EDIL3: variants seen among roughly 807,000 people sequenced by gnomAD.
The protein encoded by EDIL3 is EGF like and discoidin domains 3.
In EDIL3, 37 loss-of-function variants were observed where a neutral mutation model predicts 67.4. That is an observed-to-expected ratio of 0.55 (90% CI 0.42 to 0.72). The LOEUF (loss-of-function observed/expected upper bound fraction) is 0.72. Among genes scored for constraint, EDIL3 ranks in the 30% least tolerant of loss-of-function variants. EDIL3 has a pLI of 0.00. For missense variants in EDIL3, 527 were observed against 586.3 expected (o/e 0.90, Z 1.04); for synonymous variants, 195 against 196.3 (o/e 0.99, Z 0.05).
At chr5:84,328,057 T>C (rs1179732111) in intron 1 of EDIL3, among the ~76,000 whole-genome samples, 1 of 152,048 alleles carries the variant, frequency 6.6e-6, no homozygotes, top group Non-Finnish European at 1.5e-5. Context: ...GCAGCGCTTA[T>C]TAATGGTCTT....
In EDIL3 at chr5:84,158,257, T is replaced by C. The variant is rs3776911; in HGVS notation, c.356-20903A>G. Among the ~76,000 whole-genome samples, 704 of 152,164 alleles carry C rather than the reference T, an allele frequency of 4.6e-3. 17 individuals are homozygous for C. The highest frequency in any genetic ancestry group is 0.037 in the East Asian group (190 of 5,190). ...AGCAATTCACAAAAATGGGTAACCT[T>C]AAGGGTCTTACCAATTTACCTCTTA... On this transcript the variant is annotated intron_variant, in intron 4 of 10. Transcript: ENST00000296591.
intron 10 of EDIL3, among the ~76,000 whole-genome samples, chr5:83,951,228 T>C (rs1040182026): frequency 1.3e-5 from 2 of 151,932 alleles, no homozygotes; most frequent in South Asian, 2.1e-4. Context: ...ATATATGGGT[T>C]CTCTAAAAAA....
chr5:84,230,084 G>T (rs1466877125), intron 2 of EDIL3, among the ~76,000 whole-genome samples, 200 bp from the exon 3 acceptor site: 1 of 152,018 alleles, frequency 6.6e-6, no homozygotes, highest in Non-Finnish European at 1.5e-5. Flanking sequence ...ACAGATTAAT[G>T]AGTATTCACA....
chr5:83,948,738 C>T (rs966418216), intron 10 of EDIL3, among the ~76,000 whole-genome samples: 4 of 151,698 alleles, frequency 2.6e-5, no homozygotes, highest in African/African-American at 9.7e-5. Context: ...AAGTGATTGG[C>T]TATAAAAAGT....
At chr5:83,993,837 C>T (rs893205041) in intron 9 of EDIL3, among the ~76,000 whole-genome samples, 2 of 152,154 alleles carry the variant, frequency 1.3e-5, no homozygotes, top group African/African-American at 4.8e-5. Flanking sequence ...TTCCTCTCTG[C>T]CCTCCCTAGC....
intron 6 of EDIL3, among the ~76,000 whole-genome samples, chr5:84,098,257 T>C (rs957756973): frequency 2.0e-5 from 3 of 152,046 alleles, no homozygotes; most frequent in African/African-American, 7.2e-5. Flanking sequence ...GAAAATGAAA[T>C]TGAATACTAA....
At position 84,202,963 on chromosome 5, in the gene EDIL3, A is replaced by G. The variant is rs1250767450; in HGVS notation, c.227-22442T>C. On this transcript the variant is annotated intron_variant, in intron 3 of 10. Transcript: ENST00000296591. ...GAACAAATAAAGCCTGAGAGATATT[A>G]TAGAGGAAACAGGCAAGGAGACTGG... is the stretch of plus-strand genomic sequence containing the variant. Among the ~76,000 whole-genome samples the G allele has an allele frequency of 3.9e-5, 6 of 152,292 alleles. No homozygotes were observed. In the East Asian group the frequency reaches 1.2e-3, roughly 29 times the overall value.
intron 1 of EDIL3, among the ~76,000 whole-genome samples, chr5:84,277,287 C>G (rs1167008896): frequency 6.6e-6 from 1 of 152,052 alleles, no homozygotes; most frequent in Non-Finnish European, 1.5e-5. Context: ...CTCTCTGCTA[C>G]GTGAGGTTAT....
chr5:84,117,924 A>T (rs1747700763), intron 5 of EDIL3, among the ~76,000 whole-genome samples: 1 of 152,136 alleles, frequency 6.6e-6, no homozygotes, highest in Non-Finnish European at 1.5e-5. Context: ...TTTCTAAAAA[A>T]TTTTGTACAA....
chr5:84,371,359 A>ATGTGTGTG (rs1561271584), intron 1 of EDIL3, among the ~76,000 whole-genome samples: 13 of 129,776 alleles, frequency 1.0e-4, no homozygotes, highest in Non-Finnish European at 2.1e-4. Flanking sequence ...GTGTATATAT[A>ATGTGTGTG]TGTGTGTATA....
At chr5:83,946,240 C>T (rs1215361187) in intron 10 of EDIL3, among the ~76,000 whole-genome samples, 1 of 151,876 alleles carries the variant, frequency 6.6e-6, no homozygotes, top group Non-Finnish European at 1.5e-5. Flanking sequence ...GAGAAAGACA[C>T]AGTTCAATTT....
rs1264143399 is a variant in EDIL3 at position 84,208,655 on chromosome 5, C to T, written c.226+21200G>A. ...GATTGCGCCACTGCAGTCCGCAGTC[C>T]GGCCTGGGCAACAGAGCGAGACTCC... On this transcript the variant is annotated intron_variant, in intron 3 of 10. Coordinates refer to ENST00000296591, the MANE Select transcript of EDIL3 (RefSeq NM_005711.5). 1.5e-4 allele frequency among the ~76,000 whole-genome samples: 19 copies of T among 128,004 alleles called. No homozygotes were observed. The South Asian group carries it at 3.1e-3, about 21-fold the overall frequency. The allele number at this position is 128,004 out of a possible 152,430, so 84.0% of individuals were successfully genotyped here. A position where few individuals can be genotyped will look rare whatever the true frequency, so the allele number is the denominator to read the frequency against.
At chr5:84,010,090 G>A (rs1457786826) in intron 9 of EDIL3, among the ~76,000 whole-genome samples, 1 of 152,146 alleles carries the variant, frequency 6.6e-6, no homozygotes, top group Non-Finnish European at 1.5e-5. Flanking sequence ...GCCAACATTC[G>A]TGCCTACAAC....
chr5:84,119,025 T>G (rs1411631127), intron 5 of EDIL3, among the ~76,000 whole-genome samples: 1 of 152,128 alleles, frequency 6.6e-6, no homozygotes, highest in African/African-American at 2.4e-5. Flanking sequence ...GGTTAGCACA[T>G]AGTAAATTAT....
At chr5:84,036,778 T>C (rs1362397268) in intron 9 of EDIL3, among the ~76,000 whole-genome samples, 1 of 152,180 alleles carries the variant, frequency 6.6e-6, no homozygotes, top group African/African-American at 2.4e-5. Context: ...TGTATTCGTA[T>C]TAAACTGCAT....
chr5:83,998,596 C>T (rs1164924615), intron 9 of EDIL3, among the ~76,000 whole-genome samples: 10 of 152,092 alleles, frequency 6.6e-5, no homozygotes, highest in Non-Finnish European at 4.4e-5. Context: ...AATGTGGATA[C>T]CTGCTCAGGC....
intron 2 of EDIL3, among the ~76,000 whole-genome samples, chr5:84,249,296 T>C (rs948960160): frequency 2.0e-5 from 3 of 152,178 alleles, no homozygotes; most frequent in Admixed American, 1.3e-4. Flanking sequence ...TGCATTCCTT[T>C]ACACTTAGCT....
At chr5:84,105,824 C>T (rs1747450224) in intron 6 of EDIL3, among the ~76,000 whole-genome samples, 2 of 152,030 alleles carry the variant, frequency 1.3e-5, no homozygotes, top group African/African-American at 2.4e-5. Context: ...TGAAAGCCAT[C>T]CTTCTCAGGC....
intron 1 of EDIL3, among the ~76,000 whole-genome samples, chr5:84,362,523 T>C (rs1747630599): frequency 6.6e-6 from 1 of 152,170 alleles, no homozygotes; most frequent in South Asian, 2.1e-4. Flanking sequence ...TGCAATTACA[T>C]ATTAAAATGC....
Sources: allele counts gnomAD v4.1 joint callset (sites outside exome capture counted in the v4.1 genomes callset), GRCh38; gene constraint gnomAD v4.1.1; transcripts MANE v1.5; gene names NCBI Gene and HGNC (gene_info 2026-07-23, HGNC 2026-07-21).